The following CNTN5 variants were observed in gnomAD, a reference collection of about 807,000 sequenced individuals.
The protein encoded by CNTN5 is contactin-5.
In CNTN5, 77 loss-of-function variants were observed where a neutral mutation model predicts 129.1. That is an observed-to-expected ratio of 0.60 (90% CI 0.50 to 0.72). The LOEUF is 0.72. Among genes scored for constraint, CNTN5 ranks in the 30% least tolerant of loss-of-function variants. The pLI is 0.00. For synonymous variants in CNTN5, 509 were observed against 465.6 expected (o/e 1.09, Z -1.20); for missense variants, 1,478 against 1,328.8 (o/e 1.11, Z -1.75).
chr11:99,447,882 G>T (rs1944135046), intron 2 of CNTN5, among the ~76,000 whole-genome samples: 1 of 152,120 alleles, frequency 6.6e-6, no homozygotes, highest in South Asian at 2.1e-4. Context: ...CCAAGATCGT[G>T]CCATTGCACT....
intron 1 of CNTN5, among the ~76,000 whole-genome samples, chr11:99,224,907 C>CT (rs1409191964): frequency 5.9e-5 from 9 of 151,998 alleles, no homozygotes; most frequent in Admixed American, 5.3e-4. Context: ...GGACTCACAA[C>CT]TTTCAGCAAC....
chr11:99,688,447 G>A (rs531588672), intron 3 of CNTN5, among the ~76,000 whole-genome samples: 2 of 152,144 alleles, frequency 1.3e-5, no homozygotes, highest in African/African-American at 4.8e-5. Flanking sequence ...TATTTACAAA[G>A]TCTTACAACA....
At chr11:100,109,746 C>A (rs1474528271) in intron 13 of CNTN5, among the ~76,000 whole-genome samples, 1 of 152,168 alleles carries the variant, frequency 6.6e-6, no homozygotes, top group Non-Finnish European at 1.5e-5. Flanking sequence ...AAGGGCGCAA[C>A]CTAACAATGT....
At chr11:99,421,612 G>A (rs1357650703) in intron 2 of CNTN5, among the ~76,000 whole-genome samples, 1 of 152,054 alleles carries the variant, frequency 6.6e-6, no homozygotes, top group African/African-American at 2.4e-5. Context: ...AAAACAATTT[G>A]CCATTTTATG....
chr11:99,953,884 C>G (rs1028675400), intron 7 of CNTN5, among the ~76,000 whole-genome samples: 3 of 152,240 alleles, frequency 2.0e-5, no homozygotes, highest in Middle Eastern at 3.4e-3. Flanking sequence ...GTTGCAATTG[C>G]TTTTGGTGTT....
intron 3 of CNTN5, chr11:99,558,267 AT>A: frequency 4.7e-6 from 2 of 428,866 alleles, no homozygotes; most frequent in Non-Finnish European, 4.7e-6. Context: ...TCTCAATGTC[AT>A]TTTCCTCTTG....
At chr11:99,868,546 G>T (rs368821635) in intron 6 of CNTN5, among the ~76,000 whole-genome samples, 1 of 152,074 alleles carries the variant, frequency 6.6e-6, no homozygotes, top group Non-Finnish European at 1.5e-5. Flanking sequence ...GCTCCATTTC[G>T]CAAACTATTC....
rs144835607 is a variant in CNTN5 at position 99,094,174 on chromosome 11, A to G, written c.-210+72904A>G. On this transcript the variant is annotated intron_variant, in intron 1 of 24. Coordinates refer to ENST00000524871, the MANE Select transcript of CNTN5 (RefSeq NM_014361.4). ...GGGCATAAGTAATTTTTGTTCATTA[A>G]TATCTATCATTCTCACAAAAGTAAC... 6.3e-4 allele frequency among the ~76,000 whole-genome samples: 96 copies of G among 152,086 alleles called. No homozygotes were observed. In the East Asian group the frequency reaches 0.017, roughly 26 times the overall value.
chr11:99,810,713 C>A (rs981370697), intron 3 of CNTN5, among the ~76,000 whole-genome samples: 4 of 152,100 alleles, frequency 2.6e-5, no homozygotes, highest in African/African-American at 9.7e-5. Flanking sequence ...TCCTTGCAAG[C>A]TTCATAAAAC....
chr11:100,229,534 C>G (rs115639433), intron 16 of CNTN5, among the ~76,000 whole-genome samples: 1,782 of 152,276 alleles, frequency 0.012, 39 homozygotes, highest in African/African-American at 0.04. Flanking sequence ...TTTAGTGATT[C>G]TCACTAGCAA....
chr11:99,994,259 C>A (rs1203770577), intron 8 of CNTN5, among the ~76,000 whole-genome samples: 1 of 151,978 alleles, frequency 6.6e-6, no homozygotes, highest in Non-Finnish European at 1.5e-5. Flanking sequence ...TCAATAGTGT[C>A]ATTAACTCTT....
chr11:100,114,333 A>G (rs911465235), intron 13 of CNTN5, among the ~76,000 whole-genome samples: 2 of 152,114 alleles, frequency 1.3e-5, no homozygotes, highest in African/African-American at 4.8e-5. Context: ...ATATACATAT[A>G]TAGTCTGTTT....
At chr11:99,413,635 C>A (rs1000166573) in intron 2 of CNTN5, among the ~76,000 whole-genome samples, 12 of 151,598 alleles carry the variant, frequency 7.9e-5, no homozygotes, top group Non-Finnish European at 1.6e-4. Flanking sequence ...CAAAACAAAA[C>A]AAAACAAAAA....
chr11:100,252,222 T>C (rs2138714809), intron 16 of CNTN5, among the ~76,000 whole-genome samples: 1 of 152,296 alleles, frequency 6.6e-6, no homozygotes, highest in Non-Finnish European at 1.5e-5. Context: ...CTTCTTTTGA[T>C]AAATGTCTTT....
At chr11:99,340,623 C>A (rs770772145) in intron 2 of CNTN5, among the ~76,000 whole-genome samples, 1 of 152,116 alleles carries the variant, frequency 6.6e-6, no homozygotes, top group Admixed American at 6.6e-5. Flanking sequence ...AGAGCTTTTG[C>A]AATGGCGTAG....
intron 3 of CNTN5, among the ~76,000 whole-genome samples, chr11:99,809,036 C>T (rs987733428): frequency 1.3e-5 from 2 of 152,128 alleles, no homozygotes; most frequent in Non-Finnish European, 2.9e-5. Flanking sequence ...AGTAGGAAGA[C>T]ACAACTTCCT....
intron 3 of CNTN5, among the ~76,000 whole-genome samples, chr11:99,754,021 CAAAA>C (rs1228878634): frequency 6.6e-6 from 1 of 150,660 alleles, no homozygotes; most frequent in South Asian, 2.1e-4. Flanking sequence ...AACAAAAAAA[CAAAA>C]AAACACCTTC....
At position 100,000,042 on chromosome 11, in the gene CNTN5, G is replaced by A. The variant is rs575337831; in HGVS notation, c.878-1992G>A. 4.3e-3 allele frequency among the ~76,000 whole-genome samples: 648 copies of A among 151,570 alleles called. 5 individuals are homozygous for A. Among genetic ancestry groups the A allele is most frequent in the South Asian group, 0.011 (51 of 4,772 alleles). ...GGAGCGGGGAGGGATAACATTAGGAGATATACCTAATGCTAAATGATGAGT... is the reference window on the plus strand; with the variant it reads ...GGAGCGGGGAGGGATAACATTAGGAAATATACCTAATGCTAAATGATGAGT... On this transcript the variant is annotated intron_variant, in intron 8 of 24. Transcript: ENST00000524871.
At chr11:100,333,747 C>T (rs536670426) in intron 21 of CNTN5, among the ~76,000 whole-genome samples, 2 of 152,228 alleles carry the variant, frequency 1.3e-5, no homozygotes, top group African/African-American at 4.8e-5. Context: ...GAAAATGAAA[C>T]TGGATCCTCA....
Sources: allele counts gnomAD v4.1 joint callset (sites outside exome capture counted in the v4.1 genomes callset), GRCh38; gene constraint gnomAD v4.1.1; transcripts MANE v1.5; gene names NCBI Gene and HGNC (gene_info 2026-07-23, HGNC 2026-07-21).